Variants in ARHGAP24 observed in about 807,000 individuals in gnomAD.
ARHGAP24 encodes Rho GTPase activating protein 24.
In ARHGAP24, 50 loss-of-function variants were observed where a neutral mutation model predicts 76.4. The ratio of observed to expected loss-of-function variants is 0.65; its 90% confidence interval spans 0.52 to 0.83. The LOEUF (loss-of-function observed/expected upper bound fraction) is 0.83, where lower values mean the gene tolerates loss of function less well. ARHGAP24 is among the 40% of genes least tolerant of loss of function. ARHGAP24 has a pLI of 0.00. For missense variants in ARHGAP24, 930 were observed against 914.2 expected (o/e 1.02, Z -0.22); for synonymous variants, 345 against 323.3 (o/e 1.07, Z -0.72).
At chr4:85,543,879 T>G (rs187446528) in intron 1 of ARHGAP24, among the ~76,000 whole-genome samples, 1 of 152,218 alleles carries the variant, frequency 6.6e-6, no homozygotes, top group Non-Finnish European at 1.5e-5. Context: ...GAAGTAGTAG[T>G]TAGTAGCAGT....
chr4:85,779,300 G>A (rs1047789713), intron 3 of ARHGAP24, among the ~76,000 whole-genome samples: 25 of 152,176 alleles, frequency 1.6e-4, no homozygotes, highest in African/African-American at 5.5e-4. Flanking sequence ...ATATACTTTA[G>A]CATTACAAAA....
chr4:85,504,815 C>T (rs1323064077), intron 1 of ARHGAP24, among the ~76,000 whole-genome samples: 4 of 152,280 alleles, frequency 2.6e-5, no homozygotes, highest in East Asian at 1.9e-4. Context: ...TTCATAGCAT[C>T]GATGGTCTTT....
intron 3 of ARHGAP24, among the ~76,000 whole-genome samples, chr4:85,917,660 C>A (rs933675230): frequency 1.3e-5 from 2 of 152,204 alleles, no homozygotes; most frequent in East Asian, 3.9e-4. Flanking sequence ...TCTCTGATGG[C>A]CAGTGATGTT....
At chr4:85,973,738 T>A (rs912218254) in intron 6 of ARHGAP24, among the ~76,000 whole-genome samples, 3 of 151,974 alleles carry the variant, frequency 2.0e-5, no homozygotes, top group South Asian at 2.1e-4. Context: ...TTCTTCTTCA[T>A]GTGGATATAC....
At chr4:85,878,606 A>G (rs1021395393) in intron 3 of ARHGAP24, among the ~76,000 whole-genome samples, 2 of 152,168 alleles carry the variant, frequency 1.3e-5, no homozygotes, top group African/African-American at 4.8e-5. Flanking sequence ...TAAATTATAT[A>G]TATATAATTC....
intron 5 of ARHGAP24, among the ~76,000 whole-genome samples, chr4:85,949,482 G>T (rs986926908): frequency 1.1e-4 from 17 of 152,098 alleles, no homozygotes; most frequent in African/African-American, 4.1e-4. Flanking sequence ...GACAAGACAG[G>T]TGCCTAAGTT....
chr4:85,977,270 T>C (rs1029987673), intron 7 of ARHGAP24, among the ~76,000 whole-genome samples: 4 of 152,166 alleles, frequency 2.6e-5, no homozygotes, highest in African/African-American at 7.2e-5. Context: ...GAATCCACAT[T>C]GTTGACTCTC....
At chr4:85,479,720 C>A (rs533316747) in intron 1 of ARHGAP24, among the ~76,000 whole-genome samples, 12 of 152,092 alleles carry the variant, frequency 7.9e-5, no homozygotes, top group Non-Finnish European at 1.8e-4. Context: ...AAAGTTTCTT[C>A]CTGAAAAAAA....
intron 1 of ARHGAP24, among the ~76,000 whole-genome samples, chr4:85,520,840 C>T (rs1308598193): frequency 6.6e-6 from 1 of 152,008 alleles, no homozygotes; most frequent in Non-Finnish European, 1.5e-5. Context: ...ATGATTTGAC[C>T]AATGAAGATA....
At chr4:85,808,151 T>A (rs941043665) in intron 3 of ARHGAP24, among the ~76,000 whole-genome samples, 25 of 152,298 alleles carry the variant, frequency 1.6e-4, no homozygotes, top group African/African-American at 5.8e-4. Context: ...TCGAAAAAAA[T>A]ATGCTTTTTA....
intron 3 of ARHGAP24, among the ~76,000 whole-genome samples, chr4:85,800,129 T>C (rs1167162572): frequency 3.3e-5 from 5 of 152,224 alleles, no homozygotes; most frequent in Non-Finnish European, 7.3e-5. Flanking sequence ...AATTAATTGC[T>C]TAATTTGGAT....
rs1050131135 is a variant in ARHGAP24, at chr4:86,001,115, C to T, written c.*393C>T. 1.6e-5 allele frequency: 6 copies of T among 386,542 alleles called. No individual in the cohort carries two copies. The highest frequency in any genetic ancestry group is 2.7e-5 in the Non-Finnish European group (6 of 221,154). The allele number at this position is 386,542 out of a possible 1,614,324, so 23.9% of individuals were successfully genotyped here. A position where few individuals can be genotyped will look rare whatever the true frequency, so the allele number is the denominator to read the frequency against. On this transcript the variant is annotated 3_prime_UTR_variant, in exon 10 of 10. Transcript: ENST00000395184. Reference sequence around the variant, plus strand: ...ATTTTTGGCATTGTGTTATCATCGGCTTATTTTATAGATCAATATTTTTAT... The same window carrying T: ...ATTTTTGGCATTGTGTTATCATCGGTTTATTTTATAGATCAATATTTTTAT...
chr4:85,918,522 A>G lies in ARHGAP24; in HGVS notation c.269-5126A>G, dbSNP rs144440038. Among the ~76,000 whole-genome samples, 498 of 152,128 alleles carry G rather than the reference A, an allele frequency of 3.3e-3. 5 individuals are homozygous for G. The highest frequency in any genetic ancestry group is 0.011 in the African/African-American group (468 of 41,548). On this transcript the variant is annotated intron_variant, in intron 3 of 9. Transcript: ENST00000395184. ...CAATGTTTTCATACAGTTAATGGATATTTACATTTCATTTTAGAATTAACT... is the reference window on the plus strand; with the variant it reads ...CAATGTTTTCATACAGTTAATGGATGTTTACATTTCATTTTAGAATTAACT...
intron 1 of ARHGAP24, among the ~76,000 whole-genome samples, chr4:85,485,379 ATATATATATATAT>A (rs1723005774): frequency 1.5e-4 from 3 of 20,064 alleles, no homozygotes; most frequent in African/African-American, 4.3e-4. Context: ...AAAAAAAAAT[ATATATATATATAT>A]ATATATATAT....
chr4:85,489,017 TATTA>T (rs1305776652), intron 1 of ARHGAP24, among the ~76,000 whole-genome samples: 6 of 152,330 alleles, frequency 3.9e-5, no homozygotes, highest in East Asian at 1.9e-4. Context: ...CTTGTAATAA[TATTA>T]ATTATGTTTG....
intron 5 of ARHGAP24, among the ~76,000 whole-genome samples, chr4:85,967,051 A>T (rs1262112667): frequency 6.6e-6 from 1 of 152,070 alleles, no homozygotes; most frequent in East Asian, 1.9e-4. Context: ...TTTATGAGGA[A>T]AGGAGGAATG....
chr4:85,700,893 AAAAAT>A (rs1356381652), intron 2 of ARHGAP24, among the ~76,000 whole-genome samples: 1 of 152,218 alleles, frequency 6.6e-6, no homozygotes, highest in Non-Finnish European at 1.5e-5. Context: ...CAGGCAAAAC[AAAAAT>A]AAAATATCTC....
At chr4:85,869,881 A>G (rs1262192227) in intron 3 of ARHGAP24, among the ~76,000 whole-genome samples, 2 of 152,128 alleles carry the variant, frequency 1.3e-5, no homozygotes, top group South Asian at 2.1e-4. Flanking sequence ...TATTATACAT[A>G]TGGCTTGAAG....
chr4:85,634,238 A>G (rs1210932258), intron 2 of ARHGAP24, among the ~76,000 whole-genome samples: 1 of 151,874 alleles, frequency 6.6e-6, no homozygotes, highest in Admixed American at 6.6e-5. Flanking sequence ...TATGAGCTCT[A>G]TATACTTAAT....
Sources: allele counts gnomAD v4.1 joint callset (sites outside exome capture counted in the v4.1 genomes callset), GRCh38; gene constraint gnomAD v4.1.1; transcripts MANE v1.5; gene names NCBI Gene and HGNC (gene_info 2026-07-23, HGNC 2026-07-21).